TENM3: variants seen among roughly 807,000 people sequenced by gnomAD.
The protein encoded by TENM3 is teneurin-3.
TENM3 carries 63 observed loss-of-function variants against 255.1 expected under a neutral mutation model. The observed-to-expected ratio is 0.25, with a 90% CI of 0.20 to 0.30. The LOEUF (loss-of-function observed/expected upper bound fraction) is 0.30. Ranked by LOEUF, TENM3 falls within the 10% of genes least tolerant of loss-of-function variation. The pLI, the probability that TENM3 is intolerant of heterozygous loss-of-function variation, is 1.00. For missense variants in TENM3, 2,929 were observed against 3,461.1 expected (o/e 0.85, Z 3.86); for synonymous variants, 1,306 against 1,322.3 (o/e 0.99, Z 0.27).
At chr4:182,240,103 G>A (rs937756871), upstream of TENM3, among the ~76,000 whole-genome samples, 2 of 152,168 alleles carry the variant, frequency 1.3e-5, no homozygotes, top group African/African-American at 2.4e-5. Context: ...AACTTCTATG[G>A]GGAGAAAAAG....
At chr4:182,509,260 T>C (rs1370701111) in intron 3 of TENM3, among the ~76,000 whole-genome samples, 34 of 152,230 alleles carry the variant, frequency 2.2e-4, no homozygotes, top group Admixed American at 2.2e-3. Context: ...TCAGATGTGT[T>C]TAACTCCATT....
chr4:182,461,762 TA>T (rs1298403249), intron 3 of TENM3, among the ~76,000 whole-genome samples: 1 of 152,222 alleles, frequency 6.6e-6, no homozygotes, highest in Non-Finnish European at 1.5e-5. Context: ...CTTCAGAGCC[TA>T]GAACAGTGCC....
chr4:181,892,536 T>G, the TENM3 span, among the ~76,000 whole-genome samples: 1 of 152,242 alleles, frequency 6.6e-6, no homozygotes, highest in African/African-American at 2.4e-5. Flanking sequence ...AGGGTCCGTA[T>G]GAACTGGTCC....
the TENM3 span, among the ~76,000 whole-genome samples, chr4:182,081,016 T>C: frequency 1.3e-5 from 2 of 151,904 alleles, no homozygotes; most frequent in African/African-American, 2.4e-5. Context: ...CGACTAAGTA[T>C]CGCTGCCTTG....
At chr4:182,590,888 A>G (rs1180238387) in intron 3 of TENM3, among the ~76,000 whole-genome samples, 1 of 151,990 alleles carries the variant, frequency 6.6e-6, no homozygotes, top group Non-Finnish European at 1.5e-5. Context: ...AAAGAAAAAG[A>G]TTACAGAAAC....
the TENM3 span, among the ~76,000 whole-genome samples, chr4:181,795,336 T>A: frequency 6.6e-6 from 1 of 152,110 alleles, no homozygotes; most frequent in African/African-American, 2.4e-5. Flanking sequence ...TGGTGTATAC[T>A]AACATGACAG....
At chr4:182,295,259 T>TGC in intron 1 of TENM3, among the ~76,000 whole-genome samples, 1 of 129,858 alleles carries the variant, frequency 7.7e-6, no homozygotes, top group Non-Finnish European at 1.6e-5. Flanking sequence ...TGCTTTGCTT[T>TGC]TCTTTTTTTT....
chr4:182,645,199 A>T (rs1752635071), intron 5 of TENM3, among the ~76,000 whole-genome samples: 1 of 151,948 alleles, frequency 6.6e-6, no homozygotes, highest in Admixed American at 6.5e-5. Context: ...ACAATTATGA[A>T]GGTAAAGACC....
chr4:182,702,202 T>C (rs919914815), intron 12 of TENM3, among the ~76,000 whole-genome samples: 2 of 152,068 alleles, frequency 1.3e-5, no homozygotes, highest in Admixed American at 1.3e-4. Context: ...ATTGTGCATC[T>C]AACCAGCAGA....
At chr4:181,466,917 C>T in the TENM3 span, among the ~76,000 whole-genome samples, 311 of 151,262 alleles carry the variant, frequency 2.1e-3, 1 homozygote, top group Middle Eastern at 6.9e-3. Context: ...CTTGTCACCT[C>T]TCTCAAACTT....
chr4:181,754,297 C>A, the TENM3 span, among the ~76,000 whole-genome samples: 10 of 151,422 alleles, frequency 6.6e-5, no homozygotes, highest in African/African-American at 9.7e-5. Context: ...CACACACACA[C>A]ACACACACAC....
At chr4:181,605,613 GAAAA>G in the TENM3 span, among the ~76,000 whole-genome samples, 2,242 of 107,428 alleles carry the variant, frequency 0.021, 291 homozygotes, top group East Asian at 0.055. Context: ...AAGAAAGAAA[GAAAA>G]GAAAGAACAA....
the TENM3 span, among the ~76,000 whole-genome samples, chr4:181,613,666 A>G: frequency 6.6e-6 from 1 of 152,310 alleles, no homozygotes; most frequent in Admixed American, 6.5e-5. Flanking sequence ...GTCCTTCCCC[A>G]GGTTGTTATG....
In TENM3 at chr4:182,378,144, G is replaced by A. The variant is rs1408584300; in HGVS notation, c.511+31215G>A. On this transcript the variant is annotated intron_variant, in intron 3 of 27. Coordinates refer to ENST00000511685, the MANE Select transcript of TENM3 (RefSeq NM_001080477.4). ...CCCAGTCTGTGCAGATTTTGTTCTC[G>A]GCTTCTTAAAGGCAGTGAGCTCGGG... 3.9e-5 allele frequency among the ~76,000 whole-genome samples: 6 copies of A among 152,126 alleles called. No individual in the cohort carries two copies. In the East Asian group the frequency reaches 7.7e-4, roughly 20 times the overall value.
chr4:181,870,704 G>T, the TENM3 span, among the ~76,000 whole-genome samples: 2 of 151,846 alleles, frequency 1.3e-5, no homozygotes, highest in Non-Finnish European at 2.9e-5. Context: ...ATATCTTTTG[G>T]GTAGACCTTT....
chr4:182,101,893 T>C, the TENM3 span, among the ~76,000 whole-genome samples: 2,690 of 152,290 alleles, frequency 0.018, 67 homozygotes, highest in African/African-American at 0.061. Context: ...CCCATATATA[T>C]ACAATTATTA....
the TENM3 span, among the ~76,000 whole-genome samples, chr4:181,577,839 C>T: frequency 6.6e-6 from 1 of 152,092 alleles, no homozygotes; most frequent in Non-Finnish European, 1.5e-5. Context: ...TATGTAGTCT[C>T]CTCTGGAAAC....
At chr4:181,682,618 A>T in the TENM3 span, among the ~76,000 whole-genome samples, 4 of 152,200 alleles carry the variant, frequency 2.6e-5, no homozygotes, top group Non-Finnish European at 5.9e-5. Context: ...ATATGCATTC[A>T]TCTATTGGAT....
At chr4:182,012,201 G>A in the TENM3 span, among the ~76,000 whole-genome samples, 2 of 152,190 alleles carry the variant, frequency 1.3e-5, no homozygotes, top group Non-Finnish European at 2.9e-5. Flanking sequence ...GCACCATCAA[G>A]TCATGAGGTG....
Sources: allele counts gnomAD v4.1 joint callset (sites outside exome capture counted in the v4.1 genomes callset), GRCh38; gene constraint gnomAD v4.1.1; transcripts MANE v1.5; gene names NCBI Gene and HGNC (gene_info 2026-07-23, HGNC 2026-07-21).